The following CYB5R4 variants were observed in gnomAD, a reference collection of about 807,000 sequenced individuals.
The protein encoded by CYB5R4 is cytochrome b5 reductase 4, also known as N-terminal cytochrome b5 and cytochrome b5 oxidoreductase domain-containing protein.
Under a neutral mutation model 70.2 loss-of-function variants are expected in CYB5R4, and 55 were observed. The observed-to-expected ratio is 0.78, with a 90% CI of 0.63 to 0.98. The LOEUF (loss-of-function observed/expected upper bound fraction) is 0.98. Ranked by LOEUF, CYB5R4 falls within the 50% of genes least tolerant of loss-of-function variation. The pLI is 0.00. For missense variants in CYB5R4, 562 were observed against 612.6 expected, an observed-to-expected ratio of 0.92 and a Z score of 0.87; for synonymous variants, 197 against 199.5, an observed-to-expected ratio of 0.99 and a Z score of 0.11.
intron 14 of CYB5R4, among the ~76,000 whole-genome samples, chr6:83,943,857 C>G (rs1321751852): frequency 6.6e-6 from 1 of 151,768 alleles, no homozygotes; most frequent in East Asian, 1.9e-4. Context: ...GAAAGGATAT[C>G]AGAGATTGAA....
intron 14 of CYB5R4, among the ~76,000 whole-genome samples, chr6:83,953,847 CTT>C (rs2099471911): frequency 6.6e-6 from 1 of 152,218 alleles, no homozygotes; most frequent in South Asian, 2.1e-4. Flanking sequence ...TATTTCAAGA[CTT>C]GTCATCTCAG....
At chr6:83,889,736 G>A (rs1017650535) in intron 2 of CYB5R4, among the ~76,000 whole-genome samples, 2 of 152,204 alleles carry the variant, frequency 1.3e-5, no homozygotes, top group Non-Finnish European at 2.9e-5. Context: ...TCATGGTTCT[G>A]CAAGCTATAC....
At chr6:83,898,040 A>C (rs1430549147) in intron 3 of CYB5R4, among the ~76,000 whole-genome samples, 3 of 152,048 alleles carry the variant, frequency 2.0e-5, no homozygotes, top group Non-Finnish European at 1.5e-5. Context: ...TTAAAGACTT[A>C]AAAACATTTT....
chr6:83,870,616 A>G (rs2129128701), intron 2 of CYB5R4, among the ~76,000 whole-genome samples: 1 of 152,134 alleles, frequency 6.6e-6, no homozygotes, highest in Non-Finnish European at 1.5e-5. Context: ...CCAGTAATAT[A>G]CTATCTAAAT....
intron 2 of CYB5R4, among the ~76,000 whole-genome samples, chr6:83,876,987 A>AG (rs2099458663): frequency 6.6e-6 from 1 of 151,912 alleles, no homozygotes; most frequent in African/African-American, 2.4e-5. Context: ...GTGTGCTACC[A>AG]CACCTGGCTA....
At chr6:83,914,276 G>A in intron 4 of CYB5R4, 140 bp from the exon 5 acceptor site, 1 of 836,086 alleles carries the variant, frequency 1.2e-6, no homozygotes. Flanking sequence ...TTTCTATATT[G>A]GCCTGTTTCT....
chr6:83,932,741 T>C (rs1470748209), intron 10 of CYB5R4, among the ~76,000 whole-genome samples: 2 of 152,124 alleles, frequency 1.3e-5, no homozygotes, highest in Non-Finnish European at 2.9e-5. Flanking sequence ...GCCAGGGCTG[T>C]TTATGTGAAA....
chr6:83,875,770 T>C (rs557961844), intron 2 of CYB5R4, among the ~76,000 whole-genome samples: 1 of 152,332 alleles, frequency 6.6e-6, no homozygotes, highest in East Asian at 1.9e-4. Context: ...TACTACATTT[T>C]GCAAGAATCA....
intron 3 of CYB5R4, among the ~76,000 whole-genome samples, chr6:83,900,282 T>C (rs1437181249): frequency 2.6e-5 from 4 of 152,128 alleles, no homozygotes; most frequent in African/African-American, 9.7e-5. Context: ...TGGTGTTGAG[T>C]GAGTTTCTTA....
Position 83,921,098 on chromosome 6 carries a change from C to A in CYB5R4, c.581C>A (p.Ser194Ter). Residue 194 changes from serine to a stop codon, truncating the protein, a stop_gained, in exon 8 of 16, where the codon TCA becomes TAA. Transcript: ENST00000369681. LOFTEE classifies it high-confidence loss of function. ...CTCTTTAAGGATATCAATTTAGACT[C>A]AATAATAGTTGATCATCAGAATGAT... ...YTKQKDINLD[S>*]IIVDHQNDSF... 6.6e-7 allele frequency: 1 copy of A among 1,519,014 alleles called. No individual in the cohort carries two copies. Among genetic ancestry groups the A allele is most frequent in the South Asian group, 1.2e-5 (1 of 82,654 alleles). 94.1% of individuals were successfully genotyped at this position (1,519,014 alleles called of 1,614,324 possible). A position where few individuals can be genotyped will look rare whatever the true frequency, so the allele number is the denominator to read the frequency against.
intron 2 of CYB5R4, among the ~76,000 whole-genome samples, chr6:83,890,393 G>A (rs968878487): frequency 6.6e-6 from 1 of 152,124 alleles, no homozygotes; most frequent in Non-Finnish European, 1.5e-5. Context: ...ATTAGAAGTG[G>A]AACCCAAAGA....
At chr6:83,920,742 T>A (rs375741036) in intron 7 of CYB5R4, among the ~76,000 whole-genome samples, 1 of 78,496 alleles carries the variant, frequency 1.3e-5, no homozygotes. Context: ...TTCTGGGGGG[T>A]GGGGGGAGGG....
At position 83,921,119 on chromosome 6, in the gene CYB5R4, A is replaced by T; in HGVS notation, c.602A>T (p.Asn201Ile). 1 of 1,533,224 alleles carries T rather than the reference A, an allele frequency of 6.5e-7. No individual in the cohort carries two copies. The highest frequency in any genetic ancestry group is 8.9e-7 in the Non-Finnish European group (1 of 1,124,390). The allele number at this position is 1,533,224 out of a possible 1,614,324, so 95.0% of individuals were successfully genotyped here. ...GACTCAATAATAGTTGATCATCAGA[A>T]TGATTCCTTTAGAGCAGAAACAATT... is the stretch of plus-strand genomic sequence containing the variant. ...NLDSIIVDHQ[N>I]DSFRAETIIK... Residue 201 changes from asparagine (N) to isoleucine (I), a missense_variant, in exon 8 of 16, where the codon AAT becomes ATT. By Grantham distance (149) the Asn-to-Ile change is moderately radical (BLOSUM62 -3). Transcript: ENST00000369681.
At chr6:83,880,488 A>ATT (rs933057931) in intron 2 of CYB5R4, among the ~76,000 whole-genome samples, 1 of 148,756 alleles carries the variant, frequency 6.7e-6, no homozygotes, top group Non-Finnish European at 1.5e-5. Flanking sequence ...AGGGAAACTG[A>ATT]TTTTTTTTTT....
intron 10 of CYB5R4, among the ~76,000 whole-genome samples, chr6:83,925,501 T>C (rs1432060461): frequency 6.6e-6 from 1 of 152,210 alleles, no homozygotes; most frequent in East Asian, 1.9e-4. Flanking sequence ...GTTTAACATA[T>C]ATATAGAAAA....
chr6:83,901,006 C>G (rs1379118286), intron 3 of CYB5R4, among the ~76,000 whole-genome samples: 1 of 151,648 alleles, frequency 6.6e-6, no homozygotes, highest in African/African-American at 2.4e-5. Context: ...TTGATCCTGT[C>G]AAATGTTAGC....
At chr6:83,938,164 T>G (rs1449315678) in intron 12 of CYB5R4, among the ~76,000 whole-genome samples, 2 of 152,224 alleles carry the variant, frequency 1.3e-5, no homozygotes, top group African/African-American at 4.8e-5. Flanking sequence ...ACCTGAAGTA[T>G]TTTGGAGTAC....
At chr6:83,891,990 G>A (rs2099461188) in intron 2 of CYB5R4, among the ~76,000 whole-genome samples, 1 of 152,110 alleles carries the variant, frequency 6.6e-6, no homozygotes, top group Admixed American at 6.6e-5. Context: ...TTGTTTGGGA[G>A]GCATCCTCTG....
intron 2 of CYB5R4, among the ~76,000 whole-genome samples, chr6:83,886,560 T>G (rs2099460282): frequency 6.6e-6 from 1 of 152,188 alleles, no homozygotes; most frequent in Non-Finnish European, 1.5e-5. Flanking sequence ...CCCATTTGTA[T>G]GAAATGTCCA....
Sources: allele counts gnomAD v4.1 joint callset (sites outside exome capture counted in the v4.1 genomes callset), GRCh38; gene constraint gnomAD v4.1.1; transcripts MANE v1.5; gene names NCBI Gene and HGNC (gene_info 2026-07-23, HGNC 2026-07-21).